DLL1: variants seen among roughly 807,000 people sequenced by gnomAD.
DLL1 encodes the protein delta like canonical Notch ligand 1.
A neutral mutation model predicts 75.1 loss-of-function variants in DLL1; 9 were observed. That is an observed-to-expected ratio of 0.12 (90% confidence interval 0.07 to 0.21). DLL1 has a LOEUF of 0.21. Among genes scored for constraint, DLL1 ranks in the 10% least tolerant of loss-of-function variants. The probability of loss-of-function intolerance (pLI) is 1.00; values close to 1 mark genes in which losing one functional copy is unlikely to be tolerated. For missense variants in DLL1, 837 were observed against 1,007.6 expected, an observed-to-expected ratio of 0.83 and a Z score of 2.29; for synonymous variants, 477 against 418.3, an observed-to-expected ratio of 1.14 and a Z score of -1.71.
chr6:170,290,972 C>G lies in DLL1; in HGVS notation c.-833G>C. On this transcript the variant is annotated 5_prime_UTR_variant, in exon 1 of 11. Coordinates refer to ENST00000366756, the MANE Select transcript of DLL1 (RefSeq NM_005618.4). The surrounding 1 kb of genome is among the most constrained non-coding windows in gnomAD (Gnocchi z 4.7). The stretch of plus-strand genomic sequence containing the variant: ...CCGCCCTTATATTCAGCCGGCCGCC[C>G]GCATGGCTAATGAGATGCAAATCAG... The G allele has an allele frequency of 1.4e-6, 1 of 701,426 alleles. No individual in the cohort carries two copies. 43.5% of individuals were successfully genotyped at this position (701,426 alleles called of 1,614,324 possible). A position where few individuals can be genotyped will look rare whatever the true frequency, so the allele number is the denominator to read the frequency against.
In DLL1 at chr6:170,289,716, C is replaced by A. The variant is rs1783805724; in HGVS notation, c.147G>T (p.Ala49=). Residue 49 remains alanine (A), a synonymous_variant, in exon 2 of 11, where the codon GCG becomes GCT. Coordinates refer to ENST00000366756, the MANE Select transcript of DLL1 (RefSeq NM_005618.4). ...TCCGGCAGGCGCACGGCGGTGGCCC[C>A]GCGCCCCCGCGGCAGCAGTTGCGGT... is the stretch of plus-strand genomic sequence containing the variant. ...LGNRNCCRGG[A]GPPPCACRTF... 1 of 1,549,294 alleles carries A rather than the reference C, an allele frequency of 6.5e-7. No homozygotes were observed. Among genetic ancestry groups the A allele is most frequent in the African/African-American group, 1.4e-5 (1 of 73,162 alleles).
chr6:170,289,482 C>T (rs1446041168), intron 2 of DLL1, 30 bp downstream of exon 2: 1 of 1,527,644 alleles, frequency 6.5e-7, no homozygotes, highest in East Asian at 2.5e-5. Context: ...GCTTCAGGGC[C>T]GGCCCGGCGC....
At chr6:170,282,922 T>G (rs1170699742) in intron 10 of DLL1, 43 bp from the exon 11 acceptor site, 2 of 1,614,224 alleles carry the variant, frequency 1.2e-6, no homozygotes, top group South Asian at 1.1e-5. Flanking sequence ...CTGAGACCGA[T>G]TCCCGTGCTC....
rs1325862736 is a variant in DLL1 at position 170,289,530 on chromosome 6, G to A, written c.333C>T (p.Pro111=). 2.0e-6 allele frequency: 3 copies of A among 1,534,860 alleles called. No individual in the cohort carries two copies. Among genetic ancestry groups the A allele is most frequent in the South Asian group, 1.2e-5 (1 of 84,034 alleles). Residue 111 remains proline (P), a synonymous_variant, in exon 2 of 11, where the codon CCC becomes CCT. Coordinates refer to ENST00000366756, the MANE Select transcript of DLL1 (RefSeq NM_005618.4). Reference sequence around the variant, plus strand: ...CACTCACCGGCCAGGTGAAGCCGAAGGGGAAGCGGATGGGGTTGCTGAACG... The same window carrying A: ...CACTCACCGGCCAGGTGAAGCCGAAAGGGAAGCGGATGGGGTTGCTGAACG... ...DSAFSNPIRF[P]FGFTWPGTFS...
intron 4 of DLL1, 58 bp from the exon 5 acceptor site, chr6:170,286,356 G>GCCGC: frequency 1.3e-6 from 2 of 1,599,736 alleles, no homozygotes; most frequent in Non-Finnish European, 1.7e-6. Context: ...CAACAGGGCT[G>GCCGC]CCGCCCTTGG....
chr6:170,284,069 G>T (rs1431879348), intron 8 of DLL1, 40 bp from the exon 9 acceptor site: 1 of 1,537,330 alleles, frequency 6.5e-7, no homozygotes, highest in East Asian at 2.4e-5. Context: ...TCTCCTCGTA[G>T]GTTTGTTCAC....
At chr6:170,284,077 C>T in intron 8 of DLL1, 48 bp from the exon 9 acceptor site, 1 of 1,535,318 alleles carries the variant, frequency 6.5e-7, no homozygotes, top group Non-Finnish European at 8.7e-7. Flanking sequence ...TAGGTTTGTT[C>T]ACCAAAAAGT....
rs775178601 is a variant in DLL1, at chr6:170,283,665, G to T, written c.1614C>A (p.Gly538=). The T allele has an allele frequency of 1.6e-5, 26 of 1,582,150 alleles. No individual in the cohort carries two copies. Among genetic ancestry groups the T allele is most frequent in the Non-Finnish European group, 2.2e-5 (26 of 1,163,856 alleles). ...AVVDLTEKLE[G]QGGPFPWVAV... is the part of the protein sequence containing the mutation. Reference sequence around the variant, plus strand: ...CCACCCAGGGGAATGGCCCGCCCTGGCCCTCTAGCTTCTCAGTGAGGTCCA... The same window carrying T: ...CCACCCAGGGGAATGGCCCGCCCTGTCCCTCTAGCTTCTCAGTGAGGTCCA... The change falls in exon 9 of 11, where the codon GGC becomes GGA. Residue 538 remains glycine (G), a synonymous_variant. Transcript: ENST00000366756.
At chr6:170,288,696 A>C in intron 3 of DLL1, 33 bp downstream of exon 3, 1 of 1,613,772 alleles carries the variant, frequency 6.2e-7, no homozygotes, top group African/African-American at 1.3e-5. Flanking sequence ...TTAACTGGGG[A>C]AAGCAGTTTT....
At position 170,285,398 on chromosome 6, in the gene DLL1, C is replaced by G; in HGVS notation, c.888G>C (p.Lys296Asn). ...NQDLNYCTHH[K>N]PCKNGATCTN... Reference sequence around the variant, plus strand: ...TGCAGGTGGCTCCATTCTTGCAGGGCTTATGGTGTGTGCAGTAGTTCAGGT... The same window carrying G: ...TGCAGGTGGCTCCATTCTTGCAGGGGTTATGGTGTGTGCAGTAGTTCAGGT... The change falls in exon 7 of 11, where the codon AAG (lysine) becomes AAC (asparagine). Residue 296 changes from lysine to asparagine, a missense_variant. Transcript: ENST00000366756. 6.2e-7 allele frequency: 1 copy of G among 1,614,170 alleles called. No homozygotes were observed. Among genetic ancestry groups the G allele is most frequent in the Non-Finnish European group, 8.5e-7 (1 of 1,180,036 alleles).
At chr6:170,288,843 A>G (rs960269794) in intron 2 of DLL1, 54 bp from the exon 3 acceptor site, 17 of 1,604,456 alleles carry the variant, frequency 1.1e-5, no homozygotes, top group Admixed American at 1.7e-5. Flanking sequence ...CGAAAAGAAA[A>G]CGGCAAAAAG....
chr6:170,286,138 T>C, intron 5 of DLL1, 100 bp downstream of exon 5: 2 of 1,472,098 alleles, frequency 1.4e-6, no homozygotes, highest in Non-Finnish European at 1.9e-6. Context: ...TTACTGGAGT[T>C]TTTCGAATGA....
chr6:170,287,977 G>GT (rs1783740975), intron 4 of DLL1, among the ~76,000 whole-genome samples: 1 of 152,036 alleles, frequency 6.6e-6, no homozygotes, highest in South Asian at 2.1e-4. Flanking sequence ...CCCTGGCCCT[G>GT]TCTCTAAAAT....
At chr6:170,289,457 C>A in intron 2 of DLL1, 55 bp downstream of exon 2, 1 of 1,523,050 alleles carries the variant, frequency 6.6e-7, no homozygotes, top group East Asian at 2.5e-5. Context: ...CCCAGCGCGT[C>A]CTGCAGCCCG....
chr6:170,283,128 C>A (rs1439333848), intron 9 of DLL1, 23 bp from the exon 10 acceptor site: 2 of 1,613,964 alleles, frequency 1.2e-6, no homozygotes, highest in South Asian at 2.2e-5. Context: ...TAGAGAAAAT[C>A]CACAATGAAT....
At chr6:170,289,125 C>A in intron 2 of DLL1, 1 of 578,890 alleles carries the variant, frequency 1.7e-6, no homozygotes, top group Non-Finnish European at 3.1e-6. Flanking sequence ...GGGGGATGGG[C>A]ACGCTCCGGG....
At chr6:170,285,444 A>T in intron 6 of DLL1, 21 bp from the exon 7 acceptor site, 1 of 1,614,140 alleles carries the variant, frequency 6.2e-7, no homozygotes. Context: ...TGGGGACAGG[A>T]AAAGTAGGAG....
intron 2 of DLL1, chr6:170,289,200 CCTTCCCACGTGAAGGGGCGCCT>C: frequency 1.6e-6 from 1 of 644,014 alleles, no homozygotes. Context: ...GAAACCAGAA[CCTTCCCACGTGAAGGGGCGCCT>C]CTGACTGGAG....
chr6:170,289,816 G>C lies in DLL1; in HGVS notation c.55-8C>G. On this transcript the variant is annotated splice_polypyrimidine_tract_variant and splice_region_variant and intron_variant, in intron 1 of 10. Coordinates refer to ENST00000366756, the MANE Select transcript of DLL1 (RefSeq NM_005618.4). Reference sequence around the variant, plus strand: ...CACCCCAGAGCTCCAGACCTGCACGGGGGAGGGCGGGGGCGTGAGGACGCG... The same window carrying C: ...CACCCCAGAGCTCCAGACCTGCACGCGGGAGGGCGGGGGCGTGAGGACGCG... 6.4e-7 allele frequency: 1 copy of C among 1,552,894 alleles called. No individual in the cohort carries two copies. Among genetic ancestry groups the C allele is most frequent in the Non-Finnish European group, 8.7e-7 (1 of 1,148,166 alleles).
Sources: gnomAD v4.1 joint callset for allele counts (sites outside exome capture counted in the v4.1 genomes callset) on GRCh38, gnomAD v4.1.1 for gene constraint, Gnocchi (gnomAD v3.1) non-coding constraint, MANE v1.5 for transcripts, NCBI Gene and HGNC (gene_info 2026-07-23, HGNC 2026-07-21) for gene names.